KDM3B: variants seen among roughly 807,000 people sequenced by gnomAD.
The protein encoded by KDM3B is lysine-specific demethylase 3B.
Under a neutral mutation model 170.0 loss-of-function variants are expected in KDM3B, and 10 were observed. That is an observed-to-expected ratio of 0.06 (90% confidence interval 0.04 to 0.10). The LOEUF is 0.10. Ranked by LOEUF, KDM3B falls within the 10% of genes least tolerant of loss-of-function variation. The probability of loss-of-function intolerance (pLI) is 1.00; values close to 1 mark genes in which losing one functional copy is unlikely to be tolerated. For missense variants in KDM3B, 1,394 were observed against 2,195.2 expected (o/e 0.64, Z 7.29); for synonymous variants, 831 against 834.8 (o/e 1.00, Z 0.08).
chr5:138,410,765 A>T (rs1762945309), intron 11 of KDM3B, among the ~76,000 whole-genome samples: 1 of 152,238 alleles, frequency 6.6e-6, no homozygotes, highest in Non-Finnish European at 1.5e-5. Flanking sequence ...TCACATGTCC[A>T]CTGGACAGGG....
At chr5:138,425,128 T>C (rs779004949) in intron 16 of KDM3B, among the ~76,000 whole-genome samples, 17 of 152,260 alleles carry the variant, frequency 1.1e-4, no homozygotes, top group Non-Finnish European at 2.4e-4. Context: ...TTCTCAAAGT[T>C]GGACTTGTCA....
chr5:138,377,708 T>C lies in KDM3B; in HGVS notation c.475-12T>C, dbSNP rs746115232. 1 of 1,589,514 alleles carries C rather than the reference T, an allele frequency of 6.3e-7. No individual in the cohort carries two copies. Among genetic ancestry groups the C allele is most frequent in the Admixed American group, 1.7e-5 (1 of 59,660 alleles). On this transcript the variant is annotated splice_polypyrimidine_tract_variant and intron_variant, in intron 3 of 23. Coordinates refer to ENST00000314358, the MANE Select transcript of KDM3B (RefSeq NM_016604.4). ...TTAACATTCAGTTGTTTTCTTCTTTTATCTTTACCAGATGGGAACAGATAG... is the reference window on the plus strand; with the variant it reads ...TTAACATTCAGTTGTTTTCTTCTTTCATCTTTACCAGATGGGAACAGATAG...
chr5:138,391,832 C>G lies in KDM3B; in HGVS notation c.2200C>G (p.Gln734Glu). The G allele has an allele frequency of 2.5e-6, 4 of 1,614,160 alleles. No homozygotes were observed. Among genetic ancestry groups the G allele is most frequent in the Non-Finnish European group, 2.5e-6 (3 of 1,180,024 alleles). ...RSSSPTSSLT[Q>E]PIEMPTLSSS... ...CAGCTCGCCCACCAGCAGCCTCACT[C>G]AGCCCATTGAGATGCCAACTCTCTC... Residue 734 changes from glutamine (Q) to glutamate (E), a missense_variant, in exon 8 of 24, where the codon CAG (glutamine) becomes GAG (glutamate). Gln to Glu is a conservative substitution (Grantham distance 29). This residue lies in a region of KDM3B where 294 missense variants were observed against 311.7 expected (regional missense o/e 0.94). Transcript: ENST00000314358. This position sits in a 1 kb window ranked among gnomAD's most constrained non-coding sequence, Gnocchi z 5.0.
chr5:138,390,394 G>A (rs1762396783), intron 7 of KDM3B, among the ~76,000 whole-genome samples: 1 of 152,148 alleles, frequency 6.6e-6, no homozygotes, highest in African/African-American at 2.4e-5. Flanking sequence ...GTTAATTGAA[G>A]TAGATATTCA....
At position 138,435,547 on chromosome 5, in the gene KDM3B, G is replaced by A. The variant is rs919587031; in HGVS notation, c.5206-73G>A. 19 of 1,195,884 alleles carry A rather than the reference G, an allele frequency of 1.6e-5. No individual in the cohort carries two copies. In the African/African-American group the frequency reaches 2.1e-4, roughly 13 times the overall value. 74.1% of individuals were successfully genotyped at this position (1,195,884 alleles called of 1,614,324 possible). On this transcript the variant is annotated intron_variant, in intron 23 of 23. Transcript: ENST00000314358. The stretch of plus-strand genomic sequence containing the variant: ...TGGGAGTTTCCCCACTAAACCAGTA[G>A]GCTTACAGTCAAGGTAGAACGTACA...
chr5:138,381,336 C>G (rs1762119863), intron 5 of KDM3B, among the ~76,000 whole-genome samples, 180 bp from the exon 6 acceptor site: 1 of 152,190 alleles, frequency 6.6e-6, no homozygotes, highest in Non-Finnish European at 1.5e-5. Flanking sequence ...TATTTGAATG[C>G]TTACCATATT....
intron 2 of KDM3B, 104 bp downstream of exon 2, chr5:138,372,945 T>A: frequency 1.0e-6 from 1 of 975,430 alleles, no homozygotes; most frequent in Non-Finnish European, 1.4e-6. Context: ...TACTTTGTCC[T>A]TAACGTACAT....
intron 23 of KDM3B, 65 bp from the exon 24 acceptor site, chr5:138,435,555 G>GT: frequency 2.3e-6 from 3 of 1,301,656 alleles, no homozygotes; most frequent in Non-Finnish European, 3.3e-6. Context: ...TAGGCTTACA[G>GT]TCAAGGTAGA....
chr5:138,381,467 ATGTCTT>A, intron 5 of KDM3B, 43 bp from the exon 6 acceptor site: 1 of 1,103,452 alleles, frequency 9.1e-7, no homozygotes, highest in Non-Finnish European at 1.4e-6. Flanking sequence ...TTATATAATT[ATGTCTT>A]TATGGACAAG....
At chr5:138,389,210 T>C (rs923798971) in intron 7 of KDM3B, among the ~76,000 whole-genome samples, 3 of 152,058 alleles carry the variant, frequency 2.0e-5, no homozygotes, top group Non-Finnish European at 4.4e-5. Flanking sequence ...AGTAGGAAGA[T>C]AAAAGAAAAA....
chr5:138,426,836 C>G, intron 17 of KDM3B, 139 bp from the exon 18 acceptor site: 1 of 627,092 alleles, frequency 1.6e-6, no homozygotes, highest in Non-Finnish European at 2.8e-6. Flanking sequence ...GCACTGCAGC[C>G]CGGGTGACAG....
At chr5:138,399,257 C>T (rs565144802) in intron 10 of KDM3B, among the ~76,000 whole-genome samples, 11 of 151,762 alleles carry the variant, frequency 7.2e-5, no homozygotes, top group South Asian at 2.1e-4. Flanking sequence ...TTTTCAATTC[C>T]GGCTGGGCAC....
At chr5:138,373,175 A>G (rs1161693493) in intron 2 of KDM3B, among the ~76,000 whole-genome samples, 7 of 152,004 alleles carry the variant, frequency 4.6e-5, no homozygotes, top group Non-Finnish European at 1.0e-4. Context: ...CCCCATCTCT[A>G]CAAAAAATAC....
At chr5:138,379,838 T>A (rs1459143934) in intron 5 of KDM3B, 130 bp downstream of exon 5, 27 of 808,908 alleles carry the variant, frequency 3.3e-5, no homozygotes, top group Non-Finnish European at 3.7e-6. Context: ...AATAGTTGTA[T>A]AACCCCTAGA....
chr5:138,426,464 A>G (rs1285879584), intron 17 of KDM3B, among the ~76,000 whole-genome samples: 1 of 150,574 alleles, frequency 6.6e-6, no homozygotes, highest in Non-Finnish European at 1.5e-5. Context: ...AGTCCCAGCT[A>G]CTCGGCAGGC....
chr5:138,387,619 TAGGG>T, intron 7 of KDM3B, among the ~76,000 whole-genome samples: 1 of 152,204 alleles, frequency 6.6e-6, no homozygotes, highest in Middle Eastern at 3.4e-3. Context: ...TGTGCAGGGA[TAGGG>T]AGGGAGAGGA....
chr5:138,421,047 G>T, intron 15 of KDM3B, 85 bp downstream of exon 15: 1 of 1,480,458 alleles, frequency 6.8e-7, no homozygotes, highest in East Asian at 2.3e-5. Context: ...GAGGGTACAT[G>T]GGTGATTTGT....
intron 9 of KDM3B, among the ~76,000 whole-genome samples, chr5:138,395,309 C>G (rs1762520070): frequency 6.6e-6 from 1 of 152,186 alleles, no homozygotes; most frequent in Non-Finnish European, 1.5e-5. Context: ...GGACCAAACT[C>G]TGGTACTCTC....
At chr5:138,396,280 A>G (rs1042807457) in intron 9 of KDM3B, among the ~76,000 whole-genome samples, 12 of 152,070 alleles carry the variant, frequency 7.9e-5, no homozygotes, top group Non-Finnish European at 7.4e-5. Flanking sequence ...TATTTTTAGT[A>G]GAGACAGGGT....
Sources: allele counts gnomAD v4.1 joint callset (sites outside exome capture counted in the v4.1 genomes callset), GRCh38; gene constraint gnomAD v4.1.1; regional missense constraint gnomAD v4.1.1; non-coding constraint Gnocchi (gnomAD v3.1); transcripts MANE v1.5; gene names NCBI Gene and HGNC (gene_info 2026-07-23, HGNC 2026-07-21).